Variants in SPAG16 observed in about 807,000 individuals in gnomAD.
The protein encoded by SPAG16 is sperm-associated antigen 16 protein.
In SPAG16, 86 loss-of-function variants were observed where a neutral mutation model predicts 80.4. The ratio of observed to expected loss-of-function variants is 1.07; its 90% CI spans 0.90 to 1.28. SPAG16 has a LOEUF of 1.28. Among genes scored for constraint, SPAG16 ranks in the 50% most tolerant of loss-of-function variants. The pLI is 0.00. For missense variants in SPAG16, 870 were observed against 765.3 expected, an observed-to-expected ratio of 1.14 and a Z score of -1.61; for synonymous variants, 294 against 265.9, an observed-to-expected ratio of 1.11 and a Z score of -1.03.
intron 15 of SPAG16, among the ~76,000 whole-genome samples, chr2:214,166,825 A>G (rs1262516200): frequency 6.6e-6 from 1 of 152,190 alleles, no homozygotes; most frequent in Admixed American, 6.5e-5. Flanking sequence ...AGTTTTCAAT[A>G]TTAAGAAAAT....
intron 12 of SPAG16, among the ~76,000 whole-genome samples, chr2:214,012,602 CTGAT>C (rs2047368847): frequency 6.6e-6 from 1 of 151,726 alleles, no homozygotes; most frequent in Non-Finnish European, 1.5e-5. Context: ...GGCCAACTGA[CTGAT>C]TATTATATTA....
intron 9 of SPAG16, among the ~76,000 whole-genome samples, chr2:213,402,232 C>T (rs1377448961): frequency 6.6e-6 from 1 of 151,844 alleles, no homozygotes; most frequent in Non-Finnish European, 1.5e-5. Flanking sequence ...TTTATCATTT[C>T]TCAGAATTCA....
intron 12 of SPAG16, among the ~76,000 whole-genome samples, chr2:213,968,780 T>C (rs1461113715): frequency 2.0e-5 from 3 of 152,226 alleles, no homozygotes; most frequent in East Asian, 3.8e-4. Context: ...TGAATCATAA[T>C]ATATATCACC....
intron 9 of SPAG16, among the ~76,000 whole-genome samples, chr2:213,410,678 A>G (rs759335910): frequency 2.0e-5 from 3 of 152,260 alleles, no homozygotes; most frequent in East Asian, 1.9e-4. Context: ...GCAAATGCCT[A>G]GTTGGAATGG....
intron 15 of SPAG16, among the ~76,000 whole-genome samples, chr2:214,353,277 A>G (rs1036802089): frequency 1.3e-5 from 2 of 151,480 alleles, no homozygotes; most frequent in Admixed American, 6.6e-5. Context: ...TACTAAATAT[A>G]TATAAAATTA....
At chr2:213,536,577 C>T (rs1336068798) in intron 10 of SPAG16, among the ~76,000 whole-genome samples, 1 of 152,140 alleles carries the variant, frequency 6.6e-6, no homozygotes, top group East Asian at 1.9e-4. Context: ...CTCTGATGGC[C>T]AGTGATGGTG....
At chr2:213,606,385 A>C (rs2061261240) in intron 10 of SPAG16, among the ~76,000 whole-genome samples, 1 of 152,214 alleles carries the variant, frequency 6.6e-6, no homozygotes, top group African/African-American at 2.4e-5. Context: ...CAATGGATCA[A>C]AGTTCTAGCT....
At chr2:214,251,721 T>C (rs908917757) in intron 15 of SPAG16, among the ~76,000 whole-genome samples, 1 of 152,172 alleles carries the variant, frequency 6.6e-6, no homozygotes, top group Non-Finnish European at 1.5e-5. Flanking sequence ...TATAAAGTGC[T>C]TGCTTGCTTT....
At chr2:214,403,322 T>C (rs547015907) in intron 15 of SPAG16, among the ~76,000 whole-genome samples, 67 of 148,954 alleles carry the variant, frequency 4.5e-4, no homozygotes, top group African/African-American at 1.6e-3. Flanking sequence ...GTAAAATTGA[T>C]ATATTTATTT....
chr2:213,632,163 G>A (rs1224328221), intron 10 of SPAG16, among the ~76,000 whole-genome samples: 1 of 151,874 alleles, frequency 6.6e-6, no homozygotes, highest in Admixed American at 6.6e-5. Flanking sequence ...TGTTTCATCA[G>A]TTTTTTACAG....
intron 9 of SPAG16, among the ~76,000 whole-genome samples, chr2:213,477,304 C>G (rs2073458173): frequency 6.6e-6 from 1 of 152,158 alleles, no homozygotes; most frequent in East Asian, 1.9e-4. Context: ...CAATGGGGCA[C>G]TGCCTAATAA....
chr2:214,190,394 G>T (rs2057624483), intron 15 of SPAG16, among the ~76,000 whole-genome samples: 1 of 151,890 alleles, frequency 6.6e-6, no homozygotes, highest in African/African-American at 2.4e-5. Flanking sequence ...CTTCATATAT[G>T]CCCCCAAATT....
At chr2:213,809,079 G>A (rs930934220) in intron 10 of SPAG16, among the ~76,000 whole-genome samples, 4 of 152,170 alleles carry the variant, frequency 2.6e-5, no homozygotes, top group African/African-American at 9.7e-5. Flanking sequence ...TGCTGGACAT[G>A]CATGTTTTCA....
In SPAG16 at chr2:213,364,107, T is replaced by C; in HGVS notation, c.794T>C (p.Leu265Pro). 6.5e-7 allele frequency: 1 copy of C among 1,527,546 alleles called. No individual in the cohort carries two copies. The highest frequency in any genetic ancestry group is 1.3e-5 in the South Asian group (1 of 75,114). The allele number at this position is 1,527,546 out of a possible 1,614,324, so 94.6% of individuals were successfully genotyped here. Reference protein sequence around the residue: ...ISGLQETLKKLQRGHSYHGPQ... With the variant: ...ISGLQETLKKPQRGHSYHGPQ... ...GGACTTCAAGAAACATTGAAGAAAC[T>C]GCAAAGAGGACATAGTTACCATGGT... The change falls in exon 8 of 16, where the codon CTG becomes CCG. Residue 265 changes from leucine (L) to proline (P), a missense_variant. Coordinates refer to ENST00000331683, the MANE Select transcript of SPAG16 (RefSeq NM_024532.5).
intron 10 of SPAG16, among the ~76,000 whole-genome samples, chr2:213,800,663 C>T (rs1325856456): frequency 6.6e-6 from 1 of 152,076 alleles, no homozygotes; most frequent in Non-Finnish European, 1.5e-5. Flanking sequence ...TATCTCTTGA[C>T]TTATATAAAC....
chr2:214,092,856 G>A (rs548437813), intron 13 of SPAG16, among the ~76,000 whole-genome samples: 16 of 152,118 alleles, frequency 1.1e-4, no homozygotes, highest in Admixed American at 7.9e-4. Context: ...CCTTTTCTAT[G>A]TACTCCTTGT....
chr2:213,844,338 GA>G (rs1159256376), intron 10 of SPAG16, among the ~76,000 whole-genome samples: 1 of 152,114 alleles, frequency 6.6e-6, no homozygotes, highest in Admixed American at 6.5e-5. Flanking sequence ...AAGTTACTGG[GA>G]AAATATCATA....
At chr2:213,989,927 A>G (rs2046196194) in intron 12 of SPAG16, among the ~76,000 whole-genome samples, 1 of 152,148 alleles carries the variant, frequency 6.6e-6, no homozygotes, top group African/African-American at 2.4e-5. Flanking sequence ...TATAGTGTTC[A>G]TATTGCAAAA....
At chr2:214,285,668 T>C (rs964944744) in intron 15 of SPAG16, among the ~76,000 whole-genome samples, 2 of 152,030 alleles carry the variant, frequency 1.3e-5, no homozygotes, top group African/African-American at 4.8e-5. Flanking sequence ...CTAGATGTGG[T>C]GGTGGGTGCC....
Sources: gnomAD v4.1 joint callset for allele counts (sites outside exome capture counted in the v4.1 genomes callset) on GRCh38, gnomAD v4.1.1 for gene constraint, MANE v1.5 for transcripts, NCBI Gene and HGNC (gene_info 2026-07-23, HGNC 2026-07-21) for gene names.